Variants in DPP10 observed in about 807,000 individuals in gnomAD.
DPP10 encodes dipeptidyl peptidase like 10, also known as inactive dipeptidyl peptidase 10.
In DPP10, 33 loss-of-function variants were observed where a neutral mutation model predicts 120.9. The observed-to-expected ratio is 0.27, with a 90% CI of 0.21 to 0.37. The LOEUF (loss-of-function observed/expected upper bound fraction) is 0.37, where lower values mean the gene tolerates loss of function less well. DPP10 is among the 10% of genes least tolerant of loss of function. The pLI is 1.00. For synonymous variants in DPP10, 337 were observed against 326.1 expected (o/e 1.03, Z -0.36); for missense variants, 816 against 942.8 (o/e 0.87, Z 1.76).
At chr2:115,612,896 G>A (rs542310929) in intron 5 of DPP10, among the ~76,000 whole-genome samples, 4 of 150,760 alleles carry the variant, frequency 2.7e-5, no homozygotes, top group Admixed American at 1.3e-4. Context: ...TTTCAATCAC[G>A]ATAAAGTCAT....
At chr2:115,440,301 G>T (rs2071910953) in intron 3 of DPP10, among the ~76,000 whole-genome samples, 1 of 151,974 alleles carries the variant, frequency 6.6e-6, no homozygotes, top group Admixed American at 6.6e-5. Context: ...GCATTATTTT[G>T]TTCTTACATT....
At chr2:115,248,026 G>A (rs2058608569) in intron 1 of DPP10, among the ~76,000 whole-genome samples, 1 of 152,108 alleles carries the variant, frequency 6.6e-6, no homozygotes. Flanking sequence ...GGGGATTGCA[G>A]TGATATTTTC....
At chr2:114,661,983 G>C (rs1005557206) in intron 1 of DPP10, among the ~76,000 whole-genome samples, 1 of 150,988 alleles carries the variant, frequency 6.6e-6, no homozygotes, top group Non-Finnish European at 1.5e-5. Context: ...TCCAGCCTGA[G>C]CAACAAGAGG....
intron 1 of DPP10, among the ~76,000 whole-genome samples, chr2:114,813,849 G>A (rs1685390145): frequency 6.6e-6 from 1 of 151,168 alleles, no homozygotes; most frequent in Non-Finnish European, 1.5e-5. Context: ...TGTAACACTA[G>A]TAAATATTTC....
intron 1 of DPP10, among the ~76,000 whole-genome samples, chr2:114,516,089 G>A (rs1209778230): frequency 6.6e-6 from 1 of 152,136 alleles, no homozygotes; most frequent in East Asian, 1.9e-4. Context: ...TGGATCTGAG[G>A]GAGCCCAAGA....
chr2:114,988,915 A>C (rs575376750), intron 1 of DPP10, among the ~76,000 whole-genome samples: 1 of 152,230 alleles, frequency 6.6e-6, no homozygotes, highest in South Asian at 2.1e-4. Context: ...GGTGAATTCG[A>C]ATGCAAAGAT....
intron 1 of DPP10, among the ~76,000 whole-genome samples, chr2:114,877,473 C>G (rs2106584645): frequency 6.6e-6 from 1 of 152,176 alleles, no homozygotes; most frequent in East Asian, 1.9e-4. Context: ...GTCCTGCTTA[C>G]TCAATCACAG....
intron 1 of DPP10, among the ~76,000 whole-genome samples, chr2:114,789,065 G>C (rs1274340830): frequency 6.6e-6 from 1 of 152,142 alleles, no homozygotes; most frequent in East Asian, 1.9e-4. Context: ...CAGCCCACAA[G>C]ATGAACTTCA....
At chr2:114,809,700 T>G (rs556390772) in intron 1 of DPP10, among the ~76,000 whole-genome samples, 1 of 152,298 alleles carries the variant, frequency 6.6e-6, no homozygotes, top group South Asian at 2.1e-4. Flanking sequence ...ACTTGGAGGC[T>G]GTCTCAGCTC....
At chr2:114,948,106 C>G (rs1697502670) in intron 1 of DPP10, among the ~76,000 whole-genome samples, 1 of 151,648 alleles carries the variant, frequency 6.6e-6, no homozygotes, top group Admixed American at 6.6e-5. Context: ...CATCTCTTAC[C>G]TTATGTTTCT....
chr2:114,722,741 A>C (rs1194731191), intron 1 of DPP10, among the ~76,000 whole-genome samples: 2 of 129,376 alleles, frequency 1.5e-5, no homozygotes, highest in East Asian at 2.6e-4. Flanking sequence ...GAGCCACCGC[A>C]CTCCAGCCTG....
chr2:114,700,101 T>G (rs917626897), intron 1 of DPP10, among the ~76,000 whole-genome samples: 1 of 152,110 alleles, frequency 6.6e-6, no homozygotes, highest in African/African-American at 2.4e-5. Context: ...AGCTTAATCC[T>G]AAAGCCTGGA....
intron 1 of DPP10, among the ~76,000 whole-genome samples, chr2:114,639,211 TCATGTCTTA>T (rs1341114759): frequency 1.3e-5 from 2 of 151,910 alleles, no homozygotes; most frequent in East Asian, 3.9e-4. Context: ...AGGAGCAAAG[TCATGTCTTA>T]CATGGCGGCA....
At chr2:114,516,105 C>T (rs1316366688) in intron 1 of DPP10, among the ~76,000 whole-genome samples, 1 of 152,182 alleles carries the variant, frequency 6.6e-6, no homozygotes, top group Non-Finnish European at 1.5e-5. Flanking sequence ...CAAGAATTTG[C>T]ATTTTTAGCA....
At chr2:115,220,822 C>T (rs527573399) in intron 1 of DPP10, among the ~76,000 whole-genome samples, 2 of 152,054 alleles carry the variant, frequency 1.3e-5, no homozygotes, top group Admixed American at 6.6e-5. Context: ...ATGCACTGCA[C>T]TACATAGCTC....
intron 3 of DPP10, among the ~76,000 whole-genome samples, chr2:115,463,149 T>G (rs954353638): frequency 6.6e-6 from 1 of 152,214 alleles, no homozygotes; most frequent in African/African-American, 2.4e-5. Flanking sequence ...CATATTCCTC[T>G]GAGGGATAAA....
chr2:115,632,367 C>A (rs568867716), intron 5 of DPP10, among the ~76,000 whole-genome samples: 1 of 152,088 alleles, frequency 6.6e-6, no homozygotes, highest in Non-Finnish European at 1.5e-5. Context: ...TTGCCATTCT[C>A]TGTCTTTTGA....
rs536685233 is a variant in DPP10 at position 115,390,835 on chromosome 2, T to A, written c.271+46923T>A. Among the ~76,000 whole-genome samples the A allele has an allele frequency of 2.0e-5, 3 of 152,308 alleles. No homozygotes were observed. The East Asian group carries it at 5.8e-4, about 29-fold the overall frequency. ...CTCATTTTAGTGAAGAAGTTTGAAT[T>A]AAGAGAGATCACATCACTCTCTCTG... is the stretch of plus-strand genomic sequence containing the variant. On this transcript the variant is annotated intron_variant, in intron 3 of 25. Coordinates refer to ENST00000410059, the MANE Select transcript of DPP10 (RefSeq NM_020868.6).
chr2:114,906,382 C>CA (rs1184226315), intron 1 of DPP10, among the ~76,000 whole-genome samples: 4,135 of 111,980 alleles, frequency 0.037, 175 homozygotes, highest in African/African-American at 0.11. Flanking sequence ...AGTTCTATCT[C>CA]AAAAAAAAAA....
Sources: gnomAD v4.1 joint callset for allele counts (sites outside exome capture counted in the v4.1 genomes callset) on GRCh38, gnomAD v4.1.1 for gene constraint, MANE v1.5 for transcripts, NCBI Gene and HGNC (gene_info 2026-07-23, HGNC 2026-07-21) for gene names.